AMPD2: variants seen among roughly 807,000 people sequenced by gnomAD.
The protein encoded by AMPD2 is adenosine monophosphate deaminase 2.
Under a neutral mutation model 91.3 loss-of-function variants are expected in AMPD2, and 52 were observed. The observed-to-expected ratio is 0.57, with a 90% confidence interval of 0.46 to 0.72. The LOEUF (loss-of-function observed/expected upper bound fraction) is 0.72. AMPD2 is among the 30% of genes least tolerant of loss of function. The pLI, the probability that AMPD2 is intolerant of heterozygous loss-of-function variation, is 0.00. For missense variants in AMPD2, 822 were observed against 1,122.3 expected, an observed-to-expected ratio of 0.73 and a Z score of 3.82; for synonymous variants, 455 against 456.4, an observed-to-expected ratio of 1.00 and a Z score of 0.04.
rs1650692586 is a variant in AMPD2 at position 109,626,420 on chromosome 1, A to C, written c.524A>C (p.Lys175Thr). The C allele has an allele frequency of 1.9e-6, 3 of 1,608,692 alleles. No homozygotes were observed. In the South Asian group the frequency reaches 3.3e-5, roughly 18 times the overall value. ...CGGGTCACCATCTCTGGGGAGGAGA[A>C]GTGTGGGGTAAGTATGGGGTGTATG... The part of the protein sequence containing the change: ...FQRVTISGEE[K>T]CGVPFTDLLD... The change falls in exon 6 of 19, where the codon AAG (lysine) becomes ACG (threonine). Residue 175 changes from lysine to threonine, a missense_variant. Physicochemically the swap from Lys to Thr is moderately conservative, Grantham distance 78. Transcript: ENST00000528667.
chr1:109,624,017 G>A lies in AMPD2; in HGVS notation c.92-1286G>A, dbSNP rs990458449. On this transcript the variant is annotated intron_variant, in intron 2 of 18. Coordinates refer to ENST00000528667, the MANE Select transcript of AMPD2 (RefSeq NM_001368809.2). This position sits in a 1 kb window ranked among gnomAD's most constrained non-coding sequence, Gnocchi z 5.2. ...AGCCTGTGCCAGCCCCTGAGGGACC[G>A]GCTGCAGCTTCACTGGCAAACAGGC... The A allele has an allele frequency of 2.3e-5, 23 of 985,588 alleles. No individual in the cohort carries two copies. Among genetic ancestry groups the A allele is most frequent in the African/African-American group, 1.2e-4 (7 of 57,252 alleles). 61.1% of individuals were successfully genotyped at this position (985,588 alleles called of 1,614,324 possible). A position where few individuals can be genotyped will look rare whatever the true frequency, so the allele number is the denominator to read the frequency against.
intron 1 of AMPD2, 183 bp downstream of exon 1, chr1:109,620,461 C>G (rs1363309327): frequency 1.2e-5 from 15 of 1,206,630 alleles, no homozygotes; most frequent in East Asian, 5.8e-5. Context: ...TCCAAAGAGG[C>G]TAGGGTCTCT....
rs760164880 is a variant in AMPD2, at chr1:109,625,385, G to C, written c.174G>C (p.Pro58=). 6.2e-7 allele frequency: 1 copy of C among 1,613,730 alleles called. No individual in the cohort carries two copies. The highest frequency in any genetic ancestry group is 1.1e-5 in the South Asian group (1 of 91,082). ...CCGCCCCCTGCCTCAAGCACTTCCC[G>C]CTCGACCTGCGCACGTCTATGGATG... ...PGPAPCLKHF[P]LDLRTSMDGK... Residue 58 remains proline, a synonymous_variant, in exon 3 of 19, where the codon CCG becomes CCC. Transcript: ENST00000528667. The surrounding 1 kb of genome is among the most constrained non-coding windows in gnomAD (Gnocchi z 4.0).
Position 109,625,567 on chromosome 1 carries a change from C to G in AMPD2, c.223-95C>G. The G allele has an allele frequency of 6.3e-7, 1 of 1,596,074 alleles. No homozygotes were observed. The highest frequency in any genetic ancestry group is 8.6e-7 in the Non-Finnish European group (1 of 1,167,716). On this transcript the variant is annotated intron_variant, in intron 3 of 18. Coordinates refer to ENST00000528667, the MANE Select transcript of AMPD2 (RefSeq NM_001368809.2). The surrounding 1 kb of genome is among the most constrained non-coding windows in gnomAD (Gnocchi z 4.0). The stretch of plus-strand genomic sequence containing the variant: ...TGATCCTCAGCCTCTCCCAGGTACC[C>G]CTGGTCCTGCTGCCCTCACCCCATC...
chr1:109,621,739 G>A (rs1447138927), intron 2 of AMPD2, among the ~76,000 whole-genome samples: 1 of 152,186 alleles, frequency 6.6e-6, no homozygotes, highest in African/African-American at 2.4e-5. Flanking sequence ...TCTGACATCT[G>A]GGCACAACCA....
chr1:109,629,643 C>A, intron 15 of AMPD2, 153 bp downstream of exon 15: 1 of 1,430,494 alleles, frequency 7.0e-7, no homozygotes, highest in Non-Finnish European at 9.5e-7. Context: ...CATCTGTCAC[C>A]CCTCACAGCC....
Position 109,628,032 on chromosome 1 carries a change from C to A in AMPD2, c.1081-51C>A. On this transcript the variant is annotated intron_variant, in intron 10 of 18. Transcript: ENST00000528667. The surrounding 1 kb of genome is among the most constrained non-coding windows in gnomAD (Gnocchi z 7.1). ...CCTTTCCCATTGCACTGCCCCAGGC[C>A]CCAGACCTTCCTGGCCTCTGGTGGA... The A allele has an allele frequency of 6.2e-7, 1 of 1,600,882 alleles. No individual in the cohort carries two copies. Among genetic ancestry groups the A allele is most frequent in the Non-Finnish European group, 8.5e-7 (1 of 1,172,156 alleles).
chr1:109,620,863 T>G (rs2101140210), intron 1 of AMPD2, 51 bp from the exon 2 acceptor site: 1 of 1,439,004 alleles, frequency 6.9e-7, no homozygotes, highest in East Asian at 2.5e-5. Flanking sequence ...AGCTGGGGGC[T>G]GGCCCTTCCC....
rs763841031 is a variant in AMPD2, at chr1:109,624,299, G to A, written c.92-1004G>A. Among the ~76,000 whole-genome samples, 17 of 152,176 alleles carry A rather than the reference G, an allele frequency of 1.1e-4. No individual in the cohort carries two copies. Among genetic ancestry groups the A allele is most frequent in the Non-Finnish European group, 2.2e-4 (15 of 68,028 alleles). Reference sequence around the variant, plus strand: ...CTGGAGGGGAGCACTCCTTACAGCCGGCTGAGAGAGGCAGTTTGGGTGTGG... The same window carrying A: ...CTGGAGGGGAGCACTCCTTACAGCCAGCTGAGAGAGGCAGTTTGGGTGTGG... On this transcript the variant is annotated intron_variant, in intron 2 of 18. Coordinates refer to ENST00000528667, the MANE Select transcript of AMPD2 (RefSeq NM_001368809.2). This position sits in a 1 kb window ranked among gnomAD's most constrained non-coding sequence, Gnocchi z 5.2.
chr1:109,624,698 C>T lies in AMPD2; in HGVS notation c.92-605C>T, dbSNP rs1345014724. Among the ~76,000 whole-genome samples the T allele has an allele frequency of 6.6e-6, 1 of 152,208 alleles. No individual in the cohort carries two copies. The highest frequency in any genetic ancestry group is 2.4e-5 in the African/African-American group (1 of 41,460). ...GCCAACCAGGCCCTCCACTTCCTCT[C>T]CTCTTCCCTTGAGGGCTCGTCCCTA... On this transcript the variant is annotated intron_variant, in intron 2 of 18. Transcript: ENST00000528667. This position sits in a 1 kb window ranked among gnomAD's most constrained non-coding sequence, Gnocchi z 5.2.
chr1:109,626,068 A>C, intron 4 of AMPD2, 92 bp from the exon 5 acceptor site: 1 of 1,381,504 alleles, frequency 7.2e-7, no homozygotes, highest in South Asian at 1.2e-5. Context: ...CACATGTGAC[A>C]ACATGTGCAC....
At position 109,626,359 on chromosome 1, in the gene AMPD2, C is replaced by T; in HGVS notation, c.463C>T (p.Leu155=). 6.2e-7 allele frequency: 1 copy of T among 1,612,638 alleles called. No individual in the cohort carries two copies. The highest frequency in any genetic ancestry group is 8.5e-7 in the Non-Finnish European group (1 of 1,179,372). ...EQGEGQGDRS[L]RERDVLEREF... ...GGGTGAGGGGCAGGGTGACCGGAGC[C>T]TGCGGGAGCGTGATGTGCTGGAACG... Residue 155 remains leucine, a synonymous_variant, in exon 6 of 19, where the codon CTG becomes TTG. Transcript: ENST00000528667.
chr1:109,620,304 G>A (rs765798213), intron 1 of AMPD2, 26 bp downstream of exon 1: 4 of 1,613,520 alleles, frequency 2.5e-6, no homozygotes, highest in East Asian at 2.2e-5. Flanking sequence ...TGTGTTGGAG[G>A]GAGGGTCTCT....
chr1:109,627,625 G>T, intron 9 of AMPD2, 107 bp downstream of exon 9: 1 of 1,531,148 alleles, frequency 6.5e-7, no homozygotes, highest in Non-Finnish European at 9.0e-7. Flanking sequence ...CTTCCTAGTT[G>T]CTGAGCCCTC....
chr1:109,621,022 TCGTGGC>T lies in AMPD2; in HGVS notation c.-152_-147del. The stretch of plus-strand genomic sequence containing the variant: ...GAGGTTGCCTAGACAACATGAGAAA[TCGTGGC>T]CAGGGCCTCTTCCGCCTGCGGAGCC... On this transcript the variant is annotated 5_prime_UTR_variant, in exon 2 of 19. Transcript: ENST00000528667. 6.3e-7 allele frequency: 1 copy of T among 1,590,004 alleles called. No homozygotes were observed. The highest frequency in any genetic ancestry group is 8.6e-7 in the Non-Finnish European group (1 of 1,168,354).
Position 109,625,348 on chromosome 1 carries a change from C to G in AMPD2, c.137C>G (p.Ser46Cys). 1.2e-6 allele frequency: 2 copies of G among 1,613,642 alleles called. No homozygotes were observed. The highest frequency in any genetic ancestry group is 1.7e-5 in the Admixed American group (1 of 60,026). Reference protein sequence around the residue: ...LGAPPLQSARSLPGPAPCLKH... With the variant: ...LGAPPLQSARCLPGPAPCLKH... The stretch of plus-strand genomic sequence containing the variant: ...GCCCCTCCGCTGCAGTCTGCCCGAT[C>G]CCTGCCGGGCCCCGCCCCCTGCCTC... Residue 46 changes from serine to cysteine, a missense_variant, in exon 3 of 19, where the codon TCC (serine) becomes TGC (cysteine). Coordinates refer to ENST00000528667, the MANE Select transcript of AMPD2 (RefSeq NM_001368809.2). This position sits in a 1 kb window ranked among gnomAD's most constrained non-coding sequence, Gnocchi z 4.0.
chr1:109,630,471 T>TG (rs763041494), intron 17 of AMPD2, 65 bp downstream of exon 17: 21 of 44,512 alleles, frequency 4.7e-4, no homozygotes, highest in African/African-American at 9.7e-4. Flanking sequence ...CCGGGTTGGG[T>TG]GGGGGGCGGT....
In AMPD2 at chr1:109,627,293, C is replaced by A; in HGVS notation, c.837C>A (p.Tyr279Ter). 6.2e-7 allele frequency: 1 copy of A among 1,605,372 alleles called. No homozygotes were observed. Among genetic ancestry groups the A allele is most frequent in the Non-Finnish European group, 8.5e-7 (1 of 1,174,268 alleles). ...TGGTGCGGGGTGTGGTGCACGTCTACACCCGCAGGGAACCCGACGAGCAGT... is the reference window on the plus strand; with the variant it reads ...TGGTGCGGGGTGTGGTGCACGTCTAAACCCGCAGGGAACCCGACGAGCAGT... ...LRMVRGVVHV[Y>*]TRREPDEHCS... The change falls in exon 8 of 19, where the codon TAC becomes TAA. Residue 279 changes from tyrosine (Y) to a stop codon, truncating the protein, a stop_gained. Transcript: ENST00000528667. LOFTEE classifies it high-confidence loss of function.
At position 109,625,643 on chromosome 1, in the gene AMPD2, C is replaced by T; in HGVS notation, c.223-19C>T. 1 of 1,612,062 alleles carries T rather than the reference C, an allele frequency of 6.2e-7. No homozygotes were observed. The highest frequency in any genetic ancestry group is 8.5e-7 in the Non-Finnish European group (1 of 1,178,406). ...AGGGCGGAGGGCCAGCCATGCTGAC[C>T]TTCCTTCCCTCCCCCCAGGAGCTGT... On this transcript the variant is annotated intron_variant, in intron 3 of 18. Transcript: ENST00000528667. The surrounding 1 kb of genome is among the most constrained non-coding windows in gnomAD (Gnocchi z 4.0).
Sources: gnomAD v4.1 joint callset for allele counts (sites outside exome capture counted in the v4.1 genomes callset) on GRCh38, gnomAD v4.1.1 for gene constraint, Gnocchi (gnomAD v3.1) non-coding constraint, MANE v1.5 for transcripts, NCBI Gene and HGNC (gene_info 2026-07-23, HGNC 2026-07-21) for gene names.